The following PDE4D variants were observed in gnomAD, a reference collection of about 807,000 sequenced individuals.
PDE4D encodes phosphodiesterase 4D.
Under a neutral mutation model 87.4 loss-of-function variants are expected in PDE4D, and 24 were observed. That is an observed-to-expected ratio of 0.27 (90% CI 0.20 to 0.39). The LOEUF (loss-of-function observed/expected upper bound fraction) is 0.39. Among genes scored for constraint, PDE4D ranks in the 10% least tolerant of loss-of-function variants. PDE4D has a pLI of 1.00. For missense variants in PDE4D, 714 were observed against 1,041.0 expected (o/e 0.69, Z 4.32); for synonymous variants, 384 against 383.2 (o/e 1.00, Z -0.02).
intron 1 of PDE4D, among the ~76,000 whole-genome samples, chr5:60,317,588 C>A (rs1405990251): frequency 2.0e-5 from 3 of 151,888 alleles, no homozygotes; most frequent in Non-Finnish European, 4.4e-5. Context: ...TTAGGGTGTC[C>A]ATTTTAGATC....
chr5:59,282,933 C>T (rs973563555), intron 1 of PDE4D, among the ~76,000 whole-genome samples: 2 of 152,090 alleles, frequency 1.3e-5, no homozygotes, highest in Admixed American at 6.6e-5. Flanking sequence ...CTGAGAAAAA[C>T]GCCTACTATT....
intron 5 of PDE4D, among the ~76,000 whole-genome samples, chr5:59,127,898 C>T (rs1332814874): frequency 6.6e-6 from 1 of 151,960 alleles, no homozygotes; most frequent in Non-Finnish European, 1.5e-5. Context: ...CTCCTTCTGC[C>T]GGCAGCTTGC....
chr5:60,458,418 A>C (rs1746656493), intron 1 of PDE4D, among the ~76,000 whole-genome samples: 1 of 150,898 alleles, frequency 6.6e-6, no homozygotes. Flanking sequence ...AGCAAAAGAA[A>C]CAAAGAATGT....
intron 1 of PDE4D, among the ~76,000 whole-genome samples, chr5:59,251,407 G>A (rs1187398509): frequency 1.3e-5 from 2 of 151,852 alleles, no homozygotes; most frequent in African/African-American, 2.4e-5. Context: ...ACATACATGC[G>A]GCCAACAAGC....
chr5:59,756,811 T>C (rs1761301243), intron 1 of PDE4D, among the ~76,000 whole-genome samples: 1 of 23,764 alleles, frequency 4.2e-5, no homozygotes, highest in African/African-American at 5.2e-4. Flanking sequence ...AGGTTCTTAC[T>C]TTTTTTTTTT....
At chr5:59,500,672 A>G (rs1047941151) in intron 1 of PDE4D, among the ~76,000 whole-genome samples, 6 of 152,286 alleles carry the variant, frequency 3.9e-5, no homozygotes, top group Admixed American at 3.9e-4. Flanking sequence ...CTACGTGGGC[A>G]GTGGGATCAT....
chr5:59,193,656 T>A lies in PDE4D; in HGVS notation c.648-120A>T, dbSNP rs540837633. 1.8e-4 allele frequency: 271 copies of A among 1,496,414 alleles called. 3 individuals carry two copies. In the South Asian group the frequency reaches 3.3e-3, roughly 18 times the overall value. 92.7% of individuals were successfully genotyped at this position (1,496,414 alleles called of 1,614,324 possible). On this transcript the variant is annotated intron_variant, in intron 2 of 14. Coordinates refer to ENST00000340635, the MANE Select transcript of PDE4D (RefSeq NM_001104631.2). ...CCCATAGAGAATTACAGTGATTCCATCCTTATACTTCAGCACATGTTCTTC... is the reference window on the plus strand; with the variant it reads ...CCCATAGAGAATTACAGTGATTCCAACCTTATACTTCAGCACATGTTCTTC...
intron 5 of PDE4D, among the ~76,000 whole-genome samples, chr5:59,082,646 T>C (rs1034455727): frequency 6.6e-6 from 1 of 152,098 alleles, no homozygotes; most frequent in Admixed American, 6.6e-5. Flanking sequence ...TGTATAAATA[T>C]TATTGCAAAA....
At chr5:60,192,875 C>A (rs1462892524) in intron 1 of PDE4D, among the ~76,000 whole-genome samples, 3 of 152,174 alleles carry the variant, frequency 2.0e-5, no homozygotes, top group Admixed American at 6.5e-5. Context: ...AGTTACTCAT[C>A]TCTTCTTACT....
At chr5:60,058,940 T>C (rs773446535) in intron 2 of PDE4D, among the ~76,000 whole-genome samples, 12 of 151,852 alleles carry the variant, frequency 7.9e-5, no homozygotes, top group Non-Finnish European at 1.8e-4. Flanking sequence ...TATGTATATA[T>C]TCAGAAAAAT....
At chr5:59,870,256 G>A (rs986608145) in intron 1 of PDE4D, among the ~76,000 whole-genome samples, 5 of 152,180 alleles carry the variant, frequency 3.3e-5, no homozygotes, top group African/African-American at 1.2e-4. Flanking sequence ...AACTATGATG[G>A]CTCTTATGCT....
At chr5:59,399,028 C>T (rs1562108904) in intron 1 of PDE4D, among the ~76,000 whole-genome samples, 1 of 121,614 alleles carries the variant, frequency 8.2e-6, no homozygotes, top group Non-Finnish European at 1.8e-5. Context: ...TTACAAGCGA[C>T]ATGAAGGACT....
chr5:59,473,395 C>T (rs972441413), intron 1 of PDE4D, among the ~76,000 whole-genome samples: 1 of 152,010 alleles, frequency 6.6e-6, no homozygotes, highest in Non-Finnish European at 1.5e-5. Flanking sequence ...GATATATACA[C>T]TAATAATTAT....
intron 1 of PDE4D, among the ~76,000 whole-genome samples, chr5:59,568,457 G>A (rs1044913277): frequency 6.6e-6 from 1 of 151,960 alleles, no homozygotes; most frequent in Admixed American, 6.6e-5. Context: ...CTTAAGTGTG[G>A]GTTGTTTATC....
chr5:59,428,435 ATTT>A (rs886735760), intron 1 of PDE4D, among the ~76,000 whole-genome samples: 1 of 151,756 alleles, frequency 6.6e-6, no homozygotes, highest in Non-Finnish European at 1.5e-5. Context: ...CCTTCCTCAG[ATTT>A]TTTTAAGTAA....
At chr5:59,975,267 G>A (rs1047190327) in intron 3 of PDE4D, among the ~76,000 whole-genome samples, 6 of 152,198 alleles carry the variant, frequency 3.9e-5, no homozygotes, top group East Asian at 1.9e-4. Flanking sequence ...CTCATGCCCC[G>A]ATCTCTCAGT....
intron 1 of PDE4D, among the ~76,000 whole-genome samples, chr5:60,353,000 T>C (rs1451836499): frequency 6.6e-6 from 1 of 152,190 alleles, no homozygotes; most frequent in Non-Finnish European, 1.5e-5. Flanking sequence ...GAATCTACTG[T>C]AGCTATTTTA....
intron 1 of PDE4D, among the ~76,000 whole-genome samples, chr5:60,218,073 A>G (rs1348862511): frequency 1.3e-5 from 2 of 152,076 alleles, no homozygotes; most frequent in Non-Finnish European, 2.9e-5. Context: ...GAATGAGTAG[A>G]TGTATTCATC....
At chr5:59,453,986 G>A (rs1199027832) in intron 1 of PDE4D, among the ~76,000 whole-genome samples, 1 of 152,188 alleles carries the variant, frequency 6.6e-6, no homozygotes, top group East Asian at 1.9e-4. Context: ...AGGGCTTTAA[G>A]TTGAAGCCAA....
Sources: gnomAD v4.1 joint callset for allele counts (sites outside exome capture counted in the v4.1 genomes callset) on GRCh38, gnomAD v4.1.1 for gene constraint, MANE v1.5 for transcripts, NCBI Gene and HGNC (gene_info 2026-07-23, HGNC 2026-07-21) for gene names.